Variants in ZNF362 observed in about 807,000 individuals in gnomAD.
ZNF362 encodes rotund homolog.
ZNF362 carries 11 observed loss-of-function variants against 42.9 expected under a neutral mutation model. The ratio of observed to expected loss-of-function variants is 0.26; its 90% CI spans 0.16 to 0.42. The LOEUF is 0.42. ZNF362 is among the 20% of genes least tolerant of loss of function. The probability of loss-of-function intolerance (pLI) is 1.00; values close to 1 mark genes in which losing one functional copy is unlikely to be tolerated. For missense variants in ZNF362, 362 were observed against 576.2 expected (o/e 0.63, Z 3.81); for synonymous variants, 255 against 257.3 (o/e 0.99, Z 0.09).
the ZNF362 span, among the ~76,000 whole-genome samples, chr1:33,187,205 G>A: frequency 6.6e-6 from 1 of 152,200 alleles, no homozygotes; most frequent in African/African-American, 2.4e-5. Context: ...TTTGGCACTT[G>A]TGAACTGTGA....
chr1:33,218,576 A>C, the ZNF362 span, among the ~76,000 whole-genome samples: 1 of 152,204 alleles, frequency 6.6e-6, no homozygotes, highest in African/African-American at 2.4e-5. Flanking sequence ...TAACAGGTGA[A>C]CTTGTCATTA....
chr1:33,283,484 A>G (rs1646011218), intron 6 of ZNF362, among the ~76,000 whole-genome samples: 1 of 152,126 alleles, frequency 6.6e-6, no homozygotes, highest in Admixed American at 6.5e-5. Flanking sequence ...AGATGGGTTG[A>G]TCACTTGAAC....
chr1:33,268,939 C>A (rs1266322375), intron 1 of ZNF362, among the ~76,000 whole-genome samples: 2 of 152,126 alleles, frequency 1.3e-5, no homozygotes, highest in East Asian at 3.8e-4. Flanking sequence ...AGTGGGGGAA[C>A]CTGTGAGCAG....
At chr1:33,140,758 G>C in the ZNF362 span, among the ~76,000 whole-genome samples, 1 of 152,208 alleles carries the variant, frequency 6.6e-6, no homozygotes, top group Non-Finnish European at 1.5e-5. The surrounding 1 kb of genome is among the most constrained non-coding windows in gnomAD (Gnocchi z 4.0). Context: ...GTGTGGGCAG[G>C]TATGAAGTGG....
the ZNF362 span, chr1:33,158,108 A>C: frequency 1.5e-6 from 1 of 653,746 alleles, no homozygotes; most frequent in Non-Finnish European, 2.7e-6. Flanking sequence ...GCAGGTGCCC[A>C]GGACAGGTCC....
At chr1:33,289,155 G>GT (rs1646055789) in intron 6 of ZNF362, among the ~76,000 whole-genome samples, 1 of 152,082 alleles carries the variant, frequency 6.6e-6, no homozygotes, top group South Asian at 2.1e-4. Flanking sequence ...GTACAGAGGG[G>GT]TCCACAGCCC....
chr1:33,218,978 C>T, the ZNF362 span, among the ~76,000 whole-genome samples: 3,179 of 134,198 alleles, frequency 0.024, 57 homozygotes, highest in African/African-American at 0.03. Flanking sequence ...CACACACACA[C>T]ACATACACCA....
At chr1:33,218,148 G>A in the ZNF362 span, among the ~76,000 whole-genome samples, 1 of 152,178 alleles carries the variant, frequency 6.6e-6, no homozygotes, top group Non-Finnish European at 1.5e-5. Flanking sequence ...CAGTTAGGTA[G>A]AAAAATGTAG....
At chr1:33,158,041 C>T in the ZNF362 span, among the ~76,000 whole-genome samples, 1 of 152,298 alleles carries the variant, frequency 6.6e-6, no homozygotes, top group South Asian at 2.1e-4. Context: ...AGGTGTGAGC[C>T]ACCACGCCCA....
At chr1:33,258,491 G>A (rs1396150105) in intron 1 of ZNF362, among the ~76,000 whole-genome samples, 1 of 152,162 alleles carries the variant, frequency 6.6e-6, no homozygotes, top group South Asian at 2.1e-4. Context: ...GCATGTCTTG[G>A]CCAGAGGGTA....
At chr1:33,198,381 C>T in the ZNF362 span, among the ~76,000 whole-genome samples, 1 of 151,996 alleles carries the variant, frequency 6.6e-6, no homozygotes, top group East Asian at 1.9e-4. Flanking sequence ...AGAGAAAAGT[C>T]AAAGCTGGGC....
rs1570416665 is a variant in ZNF362, at chr1:33,298,815, C to T, written c.1147-115C>T. The T allele has an allele frequency of 9.5e-6, 8 of 840,242 alleles. No homozygotes were observed. The East Asian group carries it at 1.9e-4, about 20-fold the overall frequency. 52.0% of individuals were successfully genotyped at this position (840,242 alleles called of 1,614,324 possible). On this transcript the variant is annotated intron_variant, in intron 8 of 8. Coordinates refer to ENST00000539719, the MANE Select transcript of ZNF362 (RefSeq NM_152493.3). ...CTGACCCTGCAAAACTGTGGCTGTC[C>T]TCCACCCTCTGAACCGCCTACCAAG...
At chr1:33,138,626 CAAAAA>C in the ZNF362 span, among the ~76,000 whole-genome samples, 1 of 66,106 alleles carries the variant, frequency 1.5e-5, no homozygotes, top group African/African-American at 4.7e-5. Flanking sequence ...ACAACAACAA[CAAAAA>C]AAAAAAAAAA....
In ZNF362 at chr1:33,280,180, G is replaced by GGGCA. The variant is rs1645981490; in HGVS notation, c.406_407insGGCA (p.Ala136GlyfsTer96). ...GAGCACTTCTGAGTCAAGCGCGGGC[G>GGGCA]CGGGCACGGGCACGGGTACCAGCAC... On this transcript the variant is annotated frameshift_variant, in exon 5 of 9. Transcript: ENST00000539719. LOFTEE classifies it high-confidence loss of function. The surrounding 1 kb of genome is among the most constrained non-coding windows in gnomAD (Gnocchi z 5.6). 1 of 1,611,926 alleles carries GGGCA rather than the reference G, an allele frequency of 6.2e-7. No homozygotes were observed. Among genetic ancestry groups the GGGCA allele is most frequent in the African/African-American group, 1.3e-5 (1 of 74,834 alleles).
chr1:33,138,526 A>G, the ZNF362 span, among the ~76,000 whole-genome samples: 2 of 151,876 alleles, frequency 1.3e-5, no homozygotes, highest in East Asian at 1.9e-4. Context: ...AGCACGCCCA[A>G]TAATAGTCCT....
At chr1:33,219,767 G>A in the ZNF362 span, among the ~76,000 whole-genome samples, 1 of 152,086 alleles carries the variant, frequency 6.6e-6, no homozygotes, top group Non-Finnish European at 1.5e-5. Context: ...CACAGCTCTA[G>A]CCTGACCTCT....
At position 33,259,746 on chromosome 1, in the gene ZNF362, C is replaced by T. The variant is rs560706969; in HGVS notation, c.-89+3092C>T. 2.8e-4 allele frequency among the ~76,000 whole-genome samples: 42 copies of T among 152,314 alleles called. No homozygotes were observed. In the South Asian group the frequency reaches 8.7e-3, roughly 32 times the overall value. ...GAGGTGAGACTGCAGGTGCATGAAG[C>T]ACTAGCCAGGGCAGTGTTTGCTGAG... On this transcript the variant is annotated intron_variant, in intron 1 of 8. Transcript: ENST00000539719.
chr1:33,160,045 G>C, the ZNF362 span: 28 of 1,471,450 alleles, frequency 1.9e-5, no homozygotes, highest in African/African-American at 4.2e-5. Flanking sequence ...GAGAGGAAAG[G>C]GTGGGAAAGG....
At chr1:33,251,113 A>G in the ZNF362 span, among the ~76,000 whole-genome samples, 1 of 152,236 alleles carries the variant, frequency 6.6e-6, no homozygotes, top group Non-Finnish European at 1.5e-5. Context: ...CTGAAGGGAC[A>G]GAAAGAACAG....
Sources: allele counts gnomAD v4.1 joint callset (sites outside exome capture counted in the v4.1 genomes callset), GRCh38; gene constraint gnomAD v4.1.1; non-coding constraint Gnocchi (gnomAD v3.1); transcripts MANE v1.5; gene names NCBI Gene and HGNC (gene_info 2026-07-23, HGNC 2026-07-21).